The following SUPT3H variants were observed in gnomAD, a reference collection of about 807,000 sequenced individuals.
SUPT3H encodes the protein transcription initiation protein SPT3 homolog.
SUPT3H carries 44 observed loss-of-function variants against 44.3 expected under a neutral mutation model. The ratio of observed to expected loss-of-function variants is 0.99; its 90% CI spans 0.78 to 1.28. SUPT3H has a LOEUF of 1.28. Ranked by LOEUF, SUPT3H falls within the 50% of genes most tolerant of loss-of-function variation. SUPT3H has a pLI of 0.00. For missense variants in SUPT3H, 380 were observed against 387.1 expected (o/e 0.98, Z 0.15); for synonymous variants, 124 against 125.6 (o/e 0.99, Z 0.09).
chr6:45,149,871 C>T (rs1414606990), intron 2 of SUPT3H, among the ~76,000 whole-genome samples: 1 of 152,158 alleles, frequency 6.6e-6, no homozygotes, highest in Non-Finnish European at 1.5e-5. Context: ...ATGGCTTCAG[C>T]ATCACTTCTT....
chr6:45,176,037 G>A (rs1228021022), intron 2 of SUPT3H, among the ~76,000 whole-genome samples: 7 of 152,216 alleles, frequency 4.6e-5, no homozygotes, highest in South Asian at 4.1e-4. Context: ...CTTGGTCCAT[G>A]ATTGGTATTT....
At chr6:44,988,796 C>T (rs1437076438) in intron 6 of SUPT3H, among the ~76,000 whole-genome samples, 4 of 152,050 alleles carry the variant, frequency 2.6e-5, no homozygotes, top group Non-Finnish European at 4.4e-5. Flanking sequence ...TATGCTTCCA[C>T]TAATATGAGA....
At chr6:45,363,658 T>A (rs1197290139) in intron 2 of SUPT3H, among the ~76,000 whole-genome samples, 1 of 151,996 alleles carries the variant, frequency 6.6e-6, no homozygotes, top group African/African-American at 2.4e-5. Flanking sequence ...ATAAAGCCAC[T>A]AAACTATAAT....
intron 9 of SUPT3H, among the ~76,000 whole-genome samples, chr6:44,934,183 C>G (rs1027262359): frequency 6.6e-6 from 1 of 152,052 alleles, no homozygotes; most frequent in African/African-American, 2.4e-5. Flanking sequence ...GAATATAACT[C>G]TATAGATAGC....
chr6:45,046,100 AT>A (rs1343009638), intron 3 of SUPT3H, among the ~76,000 whole-genome samples: 2 of 152,140 alleles, frequency 1.3e-5, no homozygotes, highest in African/African-American at 4.8e-5. Flanking sequence ...AGCTATTTTA[AT>A]ATTTGCACAT....
intron 2 of SUPT3H, chr6:45,328,299 C>T: frequency 7.3e-7 from 1 of 1,367,312 alleles, no homozygotes; most frequent in South Asian, 1.1e-5. Flanking sequence ...AGTTTTAAAG[C>T]TTTTGCTTTT....
chr6:45,215,502 A>G (rs925941434), intron 2 of SUPT3H, among the ~76,000 whole-genome samples: 1 of 152,022 alleles, frequency 6.6e-6, no homozygotes, highest in Admixed American at 6.6e-5. Context: ...AATATCGGGG[A>G]AAAAAATCTT....
intron 2 of SUPT3H, among the ~76,000 whole-genome samples, chr6:45,236,767 A>G (rs1769250013): frequency 6.6e-6 from 1 of 152,074 alleles, no homozygotes; most frequent in Admixed American, 6.5e-5. Flanking sequence ...GGGAAATATT[A>G]TAGCTACATT....
At chr6:44,946,577 T>C (rs559878673) in intron 9 of SUPT3H, among the ~76,000 whole-genome samples, 49 of 152,264 alleles carry the variant, frequency 3.2e-4, no homozygotes, top group African/African-American at 1.1e-3. Flanking sequence ...GCAGATGTGG[T>C]ATAAATGGCA....
At chr6:45,175,123 T>C (rs555739100) in intron 2 of SUPT3H, among the ~76,000 whole-genome samples, 3 of 151,536 alleles carry the variant, frequency 2.0e-5, no homozygotes, top group African/African-American at 7.2e-5. Context: ...CTTCCTACTA[T>C]ATCACTTAAC....
chr6:45,039,367 A>C (rs1788161908), intron 3 of SUPT3H, among the ~76,000 whole-genome samples: 1 of 152,324 alleles, frequency 6.6e-6, no homozygotes, highest in Admixed American at 6.5e-5. Context: ...TTAAACAAAA[A>C]ATCAAAACAA....
At chr6:45,360,394 A>T (rs1794050527) in intron 2 of SUPT3H, among the ~76,000 whole-genome samples, 1 of 152,232 alleles carries the variant, frequency 6.6e-6, no homozygotes, top group Non-Finnish European at 1.5e-5. Context: ...TTGGAATTAC[A>T]GTATGTTCGT....
intron 2 of SUPT3H, among the ~76,000 whole-genome samples, chr6:45,287,839 C>T (rs776319936): frequency 2.6e-5 from 4 of 152,104 alleles, no homozygotes; most frequent in African/African-American, 4.8e-5. Context: ...CTGCAACTTC[C>T]GAACTGTAAC....
chr6:45,308,602 G>A (rs752597400), intron 2 of SUPT3H, among the ~76,000 whole-genome samples: 8 of 152,244 alleles, frequency 5.3e-5, no homozygotes, highest in Non-Finnish European at 1.2e-4. Flanking sequence ...TGGGATCGGG[G>A]GAGGGAGGAG....
At chr6:45,287,616 G>T (rs1354458169) in intron 2 of SUPT3H, among the ~76,000 whole-genome samples, 1 of 152,170 alleles carries the variant, frequency 6.6e-6, no homozygotes, top group African/African-American at 2.4e-5. Flanking sequence ...GAGGATGGGG[G>T]AAGGAGCAGT....
At chr6:45,238,674 TC>T (rs1385541182) in intron 2 of SUPT3H, among the ~76,000 whole-genome samples, 6 of 152,228 alleles carry the variant, frequency 3.9e-5, no homozygotes, top group Non-Finnish European at 7.3e-5. Flanking sequence ...AATGGCTTTT[TC>T]TTCCACATGT....
Position 44,881,177 on chromosome 6 carries a change from A to G in SUPT3H, c.913-51320T>C, listed in dbSNP as rs572917087. 1.5e-4 allele frequency among the ~76,000 whole-genome samples: 23 copies of G among 152,318 alleles called. No homozygotes were observed. In the East Asian group the frequency reaches 4.2e-3, roughly 28 times the overall value. ...TGTGCAAAGACACAAAAAGGCTCAA[A>G]ATAAAGGGATGGAGGAATATTTACC... On this transcript the variant is annotated intron_variant, in intron 10 of 10. Transcript: ENST00000371459.
At chr6:45,365,589 T>G (rs1162377642) in intron 1 of SUPT3H, among the ~76,000 whole-genome samples, 1 of 150,216 alleles carries the variant, frequency 6.7e-6, no homozygotes, top group East Asian at 1.9e-4. Context: ...ATTAACATAT[T>G]TTACTAGAGC....
intron 2 of SUPT3H, among the ~76,000 whole-genome samples, chr6:45,144,260 A>T (rs191346082): frequency 1.3e-5 from 2 of 152,270 alleles, no homozygotes; most frequent in Admixed American, 6.5e-5. Context: ...ACTAAAGAAC[A>T]TGTTCCTGAT....
Sources: allele counts gnomAD v4.1 joint callset (sites outside exome capture counted in the v4.1 genomes callset), GRCh38; gene constraint gnomAD v4.1.1; transcripts MANE v1.5; gene names NCBI Gene and HGNC (gene_info 2026-07-23, HGNC 2026-07-21).